The following SYN3 variants were observed in gnomAD, a reference collection of about 807,000 sequenced individuals.
The protein encoded by SYN3 is synapsin III.
SYN3 carries 35 observed loss-of-function variants against 65.8 expected under a neutral mutation model. The ratio of observed to expected loss-of-function variants is 0.53; its 90% CI spans 0.41 to 0.70. The LOEUF (loss-of-function observed/expected upper bound fraction) is 0.70, where lower values mean the gene tolerates loss of function less well. SYN3 is among the 30% of genes least tolerant of loss of function. The pLI, the probability that SYN3 is intolerant of heterozygous loss-of-function variation, is 0.00. For synonymous variants in SYN3, 270 were observed against 292.9 expected (o/e 0.92, Z 0.80); for missense variants, 680 against 749.0 (o/e 0.91, Z 1.08).
chr22:32,998,776 TAAAAAAAAA>T (rs34372968), intron 2 of SYN3, among the ~76,000 whole-genome samples: 2 of 82,008 alleles, frequency 2.4e-5, no homozygotes, highest in African/African-American at 9.8e-5. Context: ...ATAGAAATAG[TAAAAAAAAA>T]AAAAAAAAAA....
intron 1 of SYN3, among the ~76,000 whole-genome samples, chr22:33,029,881 C>G (rs1220381095): frequency 6.6e-6 from 1 of 152,168 alleles, no homozygotes; most frequent in East Asian, 1.9e-4. Flanking sequence ...TACAGAGGCA[C>G]TTATAGCTCC....
chr22:32,791,109 C>T (rs975665960), intron 6 of SYN3, among the ~76,000 whole-genome samples: 7 of 152,120 alleles, frequency 4.6e-5, no homozygotes, highest in African/African-American at 1.7e-4. Context: ...TGTTCTTTTC[C>T]ATAAAATGGG....
At chr22:32,668,239 TTAA>T (rs2147049819) in intron 6 of SYN3, among the ~76,000 whole-genome samples, 1 of 152,232 alleles carries the variant, frequency 6.6e-6, no homozygotes, top group East Asian at 1.9e-4. Flanking sequence ...AGGTTTTACT[TTAA>T]AAGTAATCAA....
chr22:32,663,307 C>CTT (rs1555918916), intron 6 of SYN3, among the ~76,000 whole-genome samples: 95 of 142,590 alleles, frequency 6.7e-4, no homozygotes, highest in Middle Eastern at 3.6e-3. Flanking sequence ...CTTTTCTTCT[C>CTT]TTTTTTTTTT....
intron 6 of SYN3, among the ~76,000 whole-genome samples, chr22:32,722,185 T>G (rs2147294386): frequency 6.6e-6 from 1 of 152,176 alleles, no homozygotes; most frequent in Admixed American, 6.5e-5. Context: ...TGAAGTATTT[T>G]CCCAAGCAGA....
At chr22:32,855,313 C>T (rs1310434887) in intron 6 of SYN3, among the ~76,000 whole-genome samples, 1 of 152,222 alleles carries the variant, frequency 6.6e-6, no homozygotes, top group Non-Finnish European at 1.5e-5. Flanking sequence ...TACATTCATT[C>T]ACCCCAGTGA....
intron 1 of SYN3, among the ~76,000 whole-genome samples, chr22:33,025,241 G>A (rs1431357183): frequency 6.6e-6 from 1 of 151,930 alleles, no homozygotes; most frequent in East Asian, 1.9e-4. Context: ...TGGTCATGAG[G>A]TCAGGAGTTC....
At chr22:32,712,478 G>A (rs2060978975) in intron 6 of SYN3, among the ~76,000 whole-genome samples, 1 of 152,178 alleles carries the variant, frequency 6.6e-6, no homozygotes, top group Admixed American at 6.5e-5. Context: ...GCTTGACTGA[G>A]CTAATTAATT....
intron 6 of SYN3, among the ~76,000 whole-genome samples, chr22:32,781,998 T>C (rs1282224101): frequency 6.6e-6 from 1 of 152,184 alleles, no homozygotes; most frequent in Non-Finnish European, 1.5e-5. Context: ...AAGGTTGTTT[T>C]TTCCCCTTCA....
At chr22:32,615,880 T>A (rs776517957) in intron 6 of SYN3, among the ~76,000 whole-genome samples, 19 of 152,342 alleles carry the variant, frequency 1.2e-4, no homozygotes, top group Middle Eastern at 3.4e-3. Flanking sequence ...CAGGGACAGC[T>A]TCTCAGCTGC....
chr22:32,919,573 T>A (rs2050282168), intron 4 of SYN3, among the ~76,000 whole-genome samples: 1 of 152,194 alleles, frequency 6.6e-6, no homozygotes, highest in Non-Finnish European at 1.5e-5. Flanking sequence ...CTGTGTTCTA[T>A]GTAATGTTTG....
chr22:32,773,032 A>T (rs2045814892), intron 6 of SYN3, among the ~76,000 whole-genome samples: 2 of 152,210 alleles, frequency 1.3e-5, no homozygotes, highest in Admixed American at 1.3e-4. Flanking sequence ...TGATGTTGCC[A>T]TGTAGAAGCA....
At chr22:32,978,851 A>G (rs2145640271) in intron 3 of SYN3, among the ~76,000 whole-genome samples, 2 of 152,240 alleles carry the variant, frequency 1.3e-5, no homozygotes, top group African/African-American at 4.8e-5. Flanking sequence ...CAAATAGTAA[A>G]TGTTCAATAA....
At chr22:32,636,930 A>G (rs1265113050) in intron 6 of SYN3, among the ~76,000 whole-genome samples, 3 of 152,206 alleles carry the variant, frequency 2.0e-5, no homozygotes, top group Admixed American at 6.5e-5. Flanking sequence ...AAATAAAATT[A>G]TAGCCAGTGT....
At chr22:32,674,138 G>A (rs1272455244) in intron 6 of SYN3, among the ~76,000 whole-genome samples, 1 of 152,152 alleles carries the variant, frequency 6.6e-6, no homozygotes, top group Non-Finnish European at 1.5e-5. Flanking sequence ...TAGAGTAGGA[G>A]AGGGAGAAGG....
At chr22:33,036,005 T>C (rs902207557) in intron 1 of SYN3, among the ~76,000 whole-genome samples, 2 of 152,182 alleles carry the variant, frequency 1.3e-5, no homozygotes, top group Non-Finnish European at 2.9e-5. Flanking sequence ...TAACTGACTC[T>C]TCCTTTACTC....
intron 6 of SYN3, among the ~76,000 whole-genome samples, chr22:32,617,860 C>T (rs533029605): frequency 5.9e-5 from 9 of 151,698 alleles, no homozygotes; most frequent in South Asian, 4.2e-4. Flanking sequence ...TTGTCAGCTG[C>T]GAGTCTAGGT....
intron 4 of SYN3, among the ~76,000 whole-genome samples, chr22:32,892,082 C>G (rs2049463521): frequency 6.6e-6 from 1 of 151,934 alleles, no homozygotes; most frequent in Admixed American, 6.6e-5. Context: ...ATCATGAGGT[C>G]AGGAGTTCAA....
At position 32,952,942 on chromosome 22, in the gene SYN3, A is replaced by G. The variant is rs972543844; in HGVS notation, c.370-21461T>C. On this transcript the variant is annotated intron_variant, in intron 3 of 13. Transcript: ENST00000358763. ...ATGCCTTAGTCTCTCATCTGTAAAA[A>G]GAGGCTATGGTGCCTTCATAGGGCA... Among the ~76,000 whole-genome samples the G allele has an allele frequency of 3.3e-5, 5 of 152,328 alleles. 1 individual carries two copies.
Sources: gnomAD v4.1 joint callset for allele counts (sites outside exome capture counted in the v4.1 genomes callset) on GRCh38, gnomAD v4.1.1 for gene constraint, MANE v1.5 for transcripts, NCBI Gene and HGNC (gene_info 2026-07-23, HGNC 2026-07-21) for gene names.